The following ADGRB3 variants were observed in gnomAD, a reference collection of about 807,000 sequenced individuals.
ADGRB3 encodes adhesion G protein-coupled receptor B3.
In ADGRB3, 37 loss-of-function variants were observed where a neutral mutation model predicts 193.4. The observed-to-expected ratio is 0.19, with a 90% CI of 0.15 to 0.25. ADGRB3 has a LOEUF of 0.25. Among genes scored for constraint, ADGRB3 ranks in the 10% least tolerant of loss-of-function variants. The probability of loss-of-function intolerance (pLI) is 1.00; values close to 1 mark genes in which losing one functional copy is unlikely to be tolerated. For missense variants in ADGRB3, 1,637 were observed against 1,852.9 expected (o/e 0.88, Z 2.14); for synonymous variants, 690 against 644.2 (o/e 1.07, Z -1.08).
intron 11 of ADGRB3, among the ~76,000 whole-genome samples, chr6:69,012,287 T>C (rs1225068298): frequency 1.3e-5 from 2 of 152,048 alleles, no homozygotes; most frequent in Non-Finnish European, 2.9e-5. Context: ...GTGTCTCTTG[T>C]TAGCAGCAGC....
chr6:69,137,850 A>G (rs972768453), intron 17 of ADGRB3, among the ~76,000 whole-genome samples: 1 of 152,192 alleles, frequency 6.6e-6, no homozygotes, highest in Admixed American at 6.5e-5. Flanking sequence ...CCTAAACACA[A>G]TAGATACCTT....
intron 20 of ADGRB3, among the ~76,000 whole-genome samples, chr6:69,279,072 TATA>T: frequency 3.6e-4 from 1 of 2,742 alleles, no homozygotes; most frequent in South Asian, 0.01. Flanking sequence ...AATACATATG[TATA>T]TATATATATA....
chr6:69,057,943 C>T (rs553423154), intron 15 of ADGRB3, among the ~76,000 whole-genome samples: 1 of 151,880 alleles, frequency 6.6e-6, no homozygotes, highest in East Asian at 1.9e-4. Flanking sequence ...CCAGGTAATA[C>T]TGGCCTCCTA....
Position 69,054,442 on chromosome 6 carries a change from G to GCT in ADGRB3, c.2333+5102_2333+5103dup, listed in dbSNP as rs373148945. 2.3e-3 allele frequency among the ~76,000 whole-genome samples: 356 copies of GCT among 152,258 alleles called. 12 individuals are homozygous for GCT. Among genetic ancestry groups the GCT allele is most frequent in the Admixed American group, 0.018 (282 of 15,288 alleles). ...GAAAGCAATCAACCTGAAGCAGTCAGCTCTCTCCAGAGCTCATGTCCTTAG... is the reference window on the plus strand; with the variant it reads ...GAAAGCAATCAACCTGAAGCAGTCAGCTCTCTCTCCAGAGCTCATGTCCTTAG... On this transcript the variant is annotated intron_variant, in intron 15 of 31. Transcript: ENST00000370598.
intron 17 of ADGRB3, among the ~76,000 whole-genome samples, chr6:69,197,714 A>G (rs1011822327): frequency 6.6e-6 from 1 of 152,092 alleles, no homozygotes; most frequent in Non-Finnish European, 1.5e-5. Flanking sequence ...TTAAACCTTC[A>G]TATTATAAAT....
intron 20 of ADGRB3, among the ~76,000 whole-genome samples, chr6:69,283,202 AT>A (rs1011987745): frequency 1.3e-5 from 2 of 152,164 alleles, no homozygotes; most frequent in African/African-American, 4.8e-5. Flanking sequence ...ATTAAAAGAT[AT>A]TTGTTTTTGC....
intron 26 of ADGRB3, among the ~76,000 whole-genome samples, chr6:69,350,530 A>T (rs1009284843): frequency 1.3e-5 from 2 of 152,086 alleles, no homozygotes. Flanking sequence ...TAGGTTTAGT[A>T]AAAAAATTGC....
chr6:69,012,228 G>A (rs1405012314), intron 11 of ADGRB3, among the ~76,000 whole-genome samples: 3 of 151,458 alleles, frequency 2.0e-5, no homozygotes, highest in Non-Finnish European at 4.4e-5. Context: ...GTTTTGTTTT[G>A]TTTTCAGAAA....
chr6:68,757,967 C>T lies in ADGRB3; in HGVS notation c.757+118535C>T, dbSNP rs571276889. ...TTGATCAGAAACTCCTTATTACATC[C>T]TCTTGCCTTTTAGAGTGTGTCCCTT... is the stretch of plus-strand genomic sequence containing the variant. On this transcript the variant is annotated intron_variant, in intron 3 of 31. Coordinates refer to ENST00000370598, the MANE Select transcript of ADGRB3 (RefSeq NM_001704.3). Among the ~76,000 whole-genome samples, 3 of 152,130 alleles carry T rather than the reference C, an allele frequency of 2.0e-5. No homozygotes were observed. In the East Asian group the frequency reaches 5.8e-4, roughly 29 times the overall value.
At chr6:69,039,038 C>A (rs905209223) in intron 13 of ADGRB3, among the ~76,000 whole-genome samples, 2 of 152,118 alleles carry the variant, frequency 1.3e-5, no homozygotes, top group South Asian at 2.1e-4. Context: ...GATTGGCATG[C>A]CCACACTGTC....
In ADGRB3 at chr6:69,065,249, A is replaced by G. The variant is rs189915776; in HGVS notation, c.2436+2213A>G. On this transcript the variant is annotated intron_variant, in intron 16 of 31. Coordinates refer to ENST00000370598, the MANE Select transcript of ADGRB3 (RefSeq NM_001704.3). ...AAGTGGATGGGGAGAGGAGAATAGA[A>G]AGAGGAACAATTTTATGCTAGAGAA... 1.7e-4 allele frequency among the ~76,000 whole-genome samples: 26 copies of G among 152,270 alleles called. No homozygotes were observed. In the East Asian group the frequency reaches 4.8e-3, roughly 28 times the overall value.
At chr6:68,886,866 A>G (rs560771187) in intron 3 of ADGRB3, among the ~76,000 whole-genome samples, 64 of 152,028 alleles carry the variant, frequency 4.2e-4, no homozygotes, top group Admixed American at 1.3e-3. Context: ...TCAATTCATT[A>G]TTTCTGTGAA....
chr6:69,036,264 C>A (rs1395666865), intron 13 of ADGRB3, among the ~76,000 whole-genome samples: 1 of 152,110 alleles, frequency 6.6e-6, no homozygotes, highest in African/African-American at 2.4e-5. Context: ...GAGTTAACTG[C>A]CTCCAACTTA....
chr6:69,149,177 T>C (rs1001291023), intron 17 of ADGRB3, among the ~76,000 whole-genome samples: 1 of 152,116 alleles, frequency 6.6e-6, no homozygotes, highest in Admixed American at 6.5e-5. Context: ...TTAAATTTGC[T>C]CTTTTGGGGT....
intron 17 of ADGRB3, among the ~76,000 whole-genome samples, chr6:69,142,821 G>A (rs969649721): frequency 2.0e-5 from 3 of 152,078 alleles, no homozygotes; most frequent in African/African-American, 4.8e-5. Flanking sequence ...AGGTCTCTTC[G>A]TATGGGAGTA....
intron 3 of ADGRB3, among the ~76,000 whole-genome samples, chr6:68,778,757 C>A (rs1032112397): frequency 1.3e-5 from 2 of 152,044 alleles, no homozygotes; most frequent in Admixed American, 6.6e-5. Context: ...ATCCAAAATA[C>A]TACCTCTCTC....
chr6:69,013,887 C>G (rs191270454), intron 11 of ADGRB3, 151 bp from the exon 12 acceptor site: 1 of 444,490 alleles, frequency 2.2e-6, no homozygotes. Context: ...GTAAAAGGAT[C>G]CTCAGTGATC....
chr6:68,834,112 A>G (rs1768004884), intron 3 of ADGRB3, among the ~76,000 whole-genome samples: 1 of 151,404 alleles, frequency 6.6e-6, no homozygotes, highest in Admixed American at 6.6e-5. Context: ...TGTGCTATGC[A>G]AAGAAAAATA....
At chr6:69,341,279 T>C (rs1768968013) in intron 26 of ADGRB3, among the ~76,000 whole-genome samples, 1 of 152,244 alleles carries the variant, frequency 6.6e-6, no homozygotes, top group African/African-American at 2.4e-5. Flanking sequence ...CAGCATCTAT[T>C]CTTTCCTGAC....
Sources: allele counts gnomAD v4.1 joint callset (sites outside exome capture counted in the v4.1 genomes callset), GRCh38; gene constraint gnomAD v4.1.1; transcripts MANE v1.5; gene names NCBI Gene and HGNC (gene_info 2026-07-23, HGNC 2026-07-21).